The following CDH7 variants were observed in gnomAD, a reference collection of about 807,000 sequenced individuals.
CDH7 encodes the protein cadherin-7.
Under a neutral mutation model 71.8 loss-of-function variants are expected in CDH7, and 25 were observed. That is an observed-to-expected ratio of 0.35 (90% confidence interval 0.25 to 0.49). The LOEUF is 0.49. Ranked by LOEUF, CDH7 falls within the 20% of genes least tolerant of loss-of-function variation. The pLI, the probability that CDH7 is intolerant of heterozygous loss-of-function variation, is 0.99. For synonymous variants in CDH7, 381 were observed against 363.8 expected (o/e 1.05, Z -0.54); for missense variants, 862 against 974.6 (o/e 0.88, Z 1.54).
chr18:65,778,515 C>T (rs1910044016), intron 2 of CDH7, among the ~76,000 whole-genome samples: 1 of 89,806 alleles, frequency 1.1e-5, no homozygotes, highest in Non-Finnish European at 2.4e-5. Context: ...ATTTTTTGCC[C>T]CAGGCGTCTC....
chr18:65,836,236 T>C (rs1912528191), intron 6 of CDH7, among the ~76,000 whole-genome samples: 1 of 152,172 alleles, frequency 6.6e-6, no homozygotes, highest in South Asian at 2.1e-4. Context: ...TGTAGCAGTA[T>C]GAAATTAATT....
At chr18:65,813,200 C>A (rs187924517) in intron 3 of CDH7, among the ~76,000 whole-genome samples, 1 of 152,246 alleles carries the variant, frequency 6.6e-6, no homozygotes, top group South Asian at 2.1e-4. Context: ...GGCATGGTGG[C>A]GCATGCCTGT....
chr18:65,847,296 A>G (rs1316846127), intron 7 of CDH7, among the ~76,000 whole-genome samples: 1 of 152,158 alleles, frequency 6.6e-6, no homozygotes, highest in Admixed American at 6.6e-5. Flanking sequence ...TTCTTTGAGG[A>G]ATGGAAAAGC....
intron 11 of CDH7, among the ~76,000 whole-genome samples, chr18:65,871,786 T>A (rs1440827163): frequency 1.3e-5 from 2 of 152,198 alleles, no homozygotes; most frequent in Non-Finnish European, 2.9e-5. Context: ...ACAATGATAA[T>A]TACCATTTTG....
intron 6 of CDH7, among the ~76,000 whole-genome samples, chr18:65,830,588 C>T (rs1037645402): frequency 1.5e-5 from 2 of 129,940 alleles, no homozygotes; most frequent in African/African-American, 5.4e-5. Context: ...TTCCCTCTCT[C>T]CTTCCCTCCC....
At chr18:65,814,687 A>G (rs1911662480) in intron 4 of CDH7, 83 bp downstream of exon 4, 2 of 1,213,238 alleles carry the variant, frequency 1.6e-6, no homozygotes, top group Non-Finnish European at 2.3e-6. Context: ...TATAGTTGAC[A>G]CTAATAACAT....
chr18:65,853,906 C>CATAT (rs4047846), intron 7 of CDH7, among the ~76,000 whole-genome samples: 413 of 34,074 alleles, frequency 0.012, 30 homozygotes, highest in Middle Eastern at 0.017. Flanking sequence ...CATAAATTAC[C>CATAT]ATATATATAT....
At chr18:65,793,860 G>A (rs1029969536) in intron 2 of CDH7, among the ~76,000 whole-genome samples, 1 of 152,148 alleles carries the variant, frequency 6.6e-6, no homozygotes, top group Non-Finnish European at 1.5e-5. Flanking sequence ...CATGAAAAGT[G>A]TAAGACTTTG....
chr18:65,792,400 C>G (rs140547680), intron 2 of CDH7, among the ~76,000 whole-genome samples: 1 of 151,974 alleles, frequency 6.6e-6, no homozygotes, highest in Admixed American at 6.5e-5. Flanking sequence ...AAAAGGTTCC[C>G]GTGTCATTTC....
At chr18:65,814,819 G>A (rs1416286415) in intron 4 of CDH7, among the ~76,000 whole-genome samples, 1 of 151,682 alleles carries the variant, frequency 6.6e-6, no homozygotes, top group African/African-American at 2.4e-5. Context: ...TAAAAATAAT[G>A]CTATATATTC....
At chr18:65,842,067 T>C (rs2628258) in intron 6 of CDH7, among the ~76,000 whole-genome samples, 4,227 of 152,242 alleles carry the variant, frequency 0.028, 198 homozygotes, top group African/African-American at 0.096. Context: ...AACAATATAC[T>C]TGACTGTTAT....
intron 7 of CDH7, among the ~76,000 whole-genome samples, chr18:65,848,071 C>T (rs576905875): frequency 2.0e-5 from 3 of 151,866 alleles, no homozygotes; most frequent in Admixed American, 6.6e-5. Context: ...AAATTTTGGC[C>T]CTAAGTACTC....
At chr18:65,810,548 C>T (rs946002540) in intron 3 of CDH7, among the ~76,000 whole-genome samples, 15 of 152,264 alleles carry the variant, frequency 9.9e-5, no homozygotes, top group African/African-American at 3.6e-4. Flanking sequence ...CATGCCACCA[C>T]TAATTATTTT....
chr18:65,790,825 C>T (rs1020433131), intron 2 of CDH7, among the ~76,000 whole-genome samples: 1 of 152,190 alleles, frequency 6.6e-6, no homozygotes, highest in Non-Finnish European at 1.5e-5. Context: ...GCCGAGATTG[C>T]ATCACTGCAC....
At chr18:65,800,850 T>G (rs1911096755) in intron 2 of CDH7, among the ~76,000 whole-genome samples, 1 of 152,216 alleles carries the variant, frequency 6.6e-6, no homozygotes, top group Non-Finnish European at 1.5e-5. Flanking sequence ...AGAAAGGAAT[T>G]GATTTCATCT....
At chr18:65,751,765 G>A (rs1414149224) in intron 1 of CDH7, among the ~76,000 whole-genome samples, 1 of 152,178 alleles carries the variant, frequency 6.6e-6, no homozygotes, top group African/African-American at 2.4e-5. Flanking sequence ...TACCTTAAGT[G>A]TGCGCTGGGA....
chr18:65,880,854 C>T lies in CDH7; in HGVS notation c.2318C>T (p.Ala773Val). Reference protein sequence around the residue: ...SDWGPRFKRLADMYGTGQESL... With the variant: ...SDWGPRFKRLVDMYGTGQESL... ...TGGGGACCTCGCTTTAAACGACTCG[C>T]GGACATGTATGGGACTGGCCAAGAG... Residue 773 changes from alanine to valine, a missense_variant, in exon 12 of 12, where the codon GCG (alanine) becomes GTG (valine). By Grantham distance (64) the Ala-to-Val change is moderately conservative. Coordinates refer to ENST00000397968, the MANE Select transcript of CDH7 (RefSeq NM_004361.5). The T allele has an allele frequency of 6.8e-6, 11 of 1,613,928 alleles. No individual in the cohort carries two copies. The highest frequency in any genetic ancestry group is 9.3e-6 in the Non-Finnish European group (11 of 1,179,964).
chr18:65,798,709 A>G (rs551567872), intron 2 of CDH7, among the ~76,000 whole-genome samples: 3 of 149,538 alleles, frequency 2.0e-5, no homozygotes, highest in Non-Finnish European at 4.4e-5. Flanking sequence ...TAAAGGGAAA[A>G]GGAGGAGCTT....
intron 11 of CDH7, among the ~76,000 whole-genome samples, chr18:65,872,731 C>T (rs982886887): frequency 6.6e-6 from 1 of 151,790 alleles, no homozygotes; most frequent in Non-Finnish European, 1.5e-5. Flanking sequence ...TCTTTCTCTA[C>T]AAAAAATAAA....
Sources: allele counts gnomAD v4.1 joint callset (sites outside exome capture counted in the v4.1 genomes callset), GRCh38; gene constraint gnomAD v4.1.1; transcripts MANE v1.5; gene names NCBI Gene and HGNC (gene_info 2026-07-23, HGNC 2026-07-21).